SSBP3: variants seen among roughly 807,000 people sequenced by gnomAD.
SSBP3 encodes single-stranded DNA-binding protein 3.
In SSBP3, 5 loss-of-function variants were observed where a neutral mutation model predicts 69.6. The observed-to-expected ratio is 0.07, with a 90% CI of 0.04 to 0.15. The LOEUF (loss-of-function observed/expected upper bound fraction) is 0.15, where lower values mean the gene tolerates loss of function less well. Among genes scored for constraint, SSBP3 ranks in the 10% least tolerant of loss-of-function variants. The pLI, the probability that SSBP3 is intolerant of heterozygous loss-of-function variation, is 1.00. For missense variants in SSBP3, 312 were observed against 534.0 expected, an observed-to-expected ratio of 0.58 and a Z score of 4.10; for synonymous variants, 196 against 193.4, an observed-to-expected ratio of 1.01 and a Z score of -0.11.
At chr1:54,395,662 G>C (rs1016924050) in intron 4 of SSBP3, among the ~76,000 whole-genome samples, 2 of 152,138 alleles carry the variant, frequency 1.3e-5, no homozygotes, top group Non-Finnish European at 2.9e-5. Context: ...ACTATGCAAA[G>C]GAATCAGCAT....
intron 5 of SSBP3, among the ~76,000 whole-genome samples, chr1:54,264,896 G>A (rs1354296238): frequency 6.6e-6 from 1 of 152,238 alleles, no homozygotes; most frequent in Non-Finnish European, 1.5e-5. Context: ...GAAGGAGTGG[G>A]TTTTCTCGAC....
upstream of SSBP3, among the ~76,000 whole-genome samples, chr1:54,409,506 C>G (rs1014402906): frequency 6.6e-6 from 1 of 151,852 alleles, no homozygotes; most frequent in Non-Finnish European, 1.5e-5. Flanking sequence ...CCCCAGGGAC[C>G]GAGAGAGAGA....
At chr1:54,334,937 T>C (rs994779313) in intron 4 of SSBP3, among the ~76,000 whole-genome samples, 2 of 152,202 alleles carry the variant, frequency 1.3e-5, no homozygotes. Context: ...TTAAATTTCA[T>C]CCTGTTGTTT....
At chr1:54,250,152 C>T (rs1644801633) in intron 9 of SSBP3, among the ~76,000 whole-genome samples, 1 of 152,226 alleles carries the variant, frequency 6.6e-6, no homozygotes, top group Admixed American at 6.5e-5. Context: ...GGCTGCCAGG[C>T]AGGAAGGGGC....
At chr1:54,245,358 A>G (rs1272808625) in intron 9 of SSBP3, among the ~76,000 whole-genome samples, 1 of 152,192 alleles carries the variant, frequency 6.6e-6, no homozygotes, top group Non-Finnish European at 1.5e-5. Context: ...GCTAGGATTT[A>G]AGCCTGGATC....
chr1:54,398,710 C>T (rs528270849), intron 4 of SSBP3, among the ~76,000 whole-genome samples: 69 of 151,974 alleles, frequency 4.5e-4, no homozygotes, highest in African/African-American at 1.6e-3. Flanking sequence ...ACAATGGGAC[C>T]GTGACCCTCC....
intron 4 of SSBP3, among the ~76,000 whole-genome samples, chr1:54,297,970 C>T (rs1359842274): frequency 6.6e-6 from 1 of 152,096 alleles, no homozygotes; most frequent in African/African-American, 2.4e-5. Flanking sequence ...CTACCCTGAC[C>T]CCAGCAGGGG....
chr1:54,405,926 GGCC>G (rs1649718792), intron 1 of SSBP3, 24 bp downstream of exon 1: 3 of 1,231,468 alleles, frequency 2.4e-6, no homozygotes, highest in Non-Finnish European at 3.1e-6. Context: ...GCGGCGGCGC[GGCC>G]GCCACTTGCA....
rs1203559031 is a variant in SSBP3, at chr1:54,311,100, G to C, written c.277-29573C>G. On this transcript the variant is annotated intron_variant, in intron 4 of 17. Coordinates refer to ENST00000610401, the Ensembl canonical transcript of SSBP3. ...GCTGACTTCTTTAGCCTGCTGACCA[G>C]AGCCGATTCTTTGATGGGAAAACAA... Among the ~76,000 whole-genome samples the C allele has an allele frequency of 8.5e-5, 13 of 152,264 alleles. No homozygotes were observed. The East Asian group carries it at 1.7e-3, about 20-fold the overall frequency.
chr1:54,346,496 C>G (rs1054657334), intron 4 of SSBP3, among the ~76,000 whole-genome samples: 3 of 152,048 alleles, frequency 2.0e-5, no homozygotes, highest in African/African-American at 7.3e-5. Flanking sequence ...ACCCCCAGTA[C>G]CTGTGAATGG....
chr1:54,285,341 C>A (rs982981692), intron 4 of SSBP3: 1 of 152,138 alleles, frequency 6.6e-6, no homozygotes, highest in Non-Finnish European at 1.5e-5. Flanking sequence ...ACCCTCCCCC[C>A]AACCACATCT....
At chr1:54,353,405 G>T (rs141676365) in intron 4 of SSBP3, among the ~76,000 whole-genome samples, 1 of 152,304 alleles carries the variant, frequency 6.6e-6, no homozygotes, top group Non-Finnish European at 1.5e-5. Context: ...CTCCTGCCCT[G>T]TGACTTACAC....
At chr1:54,327,303 C>T (rs1361244823) in intron 4 of SSBP3, among the ~76,000 whole-genome samples, 3 of 151,142 alleles carry the variant, frequency 2.0e-5, no homozygotes, top group Non-Finnish European at 2.9e-5. Flanking sequence ...AAAAAACCCC[C>T]CAAAAAAACA....
intron 4 of SSBP3, among the ~76,000 whole-genome samples, chr1:54,387,181 G>A (rs1364262303): frequency 2.0e-5 from 3 of 152,136 alleles, no homozygotes; most frequent in East Asian, 1.9e-4. Context: ...TCCTTCGCAG[G>A]GGATTCCTCC....
At chr1:54,356,711 A>C (rs1304542995) in intron 4 of SSBP3, 1 of 152,226 alleles carries the variant, frequency 6.6e-6, no homozygotes, top group Non-Finnish European at 1.5e-5. Flanking sequence ...CCGACATCCA[A>C]AGGGGGCCAA....
intron 4 of SSBP3, among the ~76,000 whole-genome samples, chr1:54,378,839 A>G (rs74071702): frequency 0.016 from 2,461 of 152,306 alleles, 63 homozygotes; most frequent in African/African-American, 0.056. Context: ...GGGACAGGAA[A>G]AGAGAGCCCG....
chr1:54,404,812 G>GA (rs59426527), intron 2 of SSBP3, 46 bp downstream of exon 2: 43,035 of 1,017,960 alleles, frequency 0.042, 1,967 homozygotes, highest in East Asian at 0.066. Flanking sequence ...GAATAGTGGG[G>GA]GGGGGGGGTG....
At chr1:54,323,232 A>G (rs893769099) in intron 4 of SSBP3, among the ~76,000 whole-genome samples, 1 of 152,198 alleles carries the variant, frequency 6.6e-6, no homozygotes, top group African/African-American at 2.4e-5. Flanking sequence ...TTAAGCCCCC[A>G]AATTCTGCTT....
At chr1:54,300,260 A>C (rs995077928) in intron 4 of SSBP3, among the ~76,000 whole-genome samples, 3 of 152,090 alleles carry the variant, frequency 2.0e-5, no homozygotes, top group Admixed American at 6.5e-5. Context: ...CCAAATATCC[A>C]AGAAAGAGGG....
Sources: gnomAD v4.1 joint callset for allele counts (sites outside exome capture counted in the v4.1 genomes callset) on GRCh38, gnomAD v4.1.1 for gene constraint, MANE v1.5 for transcripts, NCBI Gene and HGNC (gene_info 2026-07-23, HGNC 2026-07-21) for gene names.